LRRC4C: variants seen among roughly 807,000 people sequenced by gnomAD.
LRRC4C encodes the protein leucine-rich repeat-containing protein 4C.
LRRC4C carries 5 observed loss-of-function variants against 33.6 expected under a neutral mutation model. That is an observed-to-expected ratio of 0.15 (90% CI 0.08 to 0.31). LRRC4C has a LOEUF of 0.31. Among genes scored for constraint, LRRC4C ranks in the 10% least tolerant of loss-of-function variants. LRRC4C has a pLI of 1.00. For synonymous variants in LRRC4C, 329 were observed against 302.0 expected (o/e 1.09, Z -0.93); for missense variants, 560 against 796.7 (o/e 0.70, Z 3.58).
chr11:40,365,974 T>A (rs372838765), intron 3 of LRRC4C, among the ~76,000 whole-genome samples: 1 of 152,090 alleles, frequency 6.6e-6, no homozygotes, highest in East Asian at 1.9e-4. Context: ...TTATTGAATA[T>A]AAATTGGGAG....
chr11:40,618,508 C>T (rs540883031), intron 3 of LRRC4C, among the ~76,000 whole-genome samples: 20 of 151,730 alleles, frequency 1.3e-4, no homozygotes, highest in South Asian at 6.2e-4. Context: ...GTAATTTTTA[C>T]GGTACCCCAA....
chr11:40,124,587 C>T (rs1230847200), intron 6 of LRRC4C, among the ~76,000 whole-genome samples: 1 of 152,202 alleles, frequency 6.6e-6, no homozygotes, highest in Admixed American at 6.6e-5. Context: ...TCTCACTTAT[C>T]TGTGAGAGCT....
chr11:40,808,848 C>T (rs1400579542), intron 2 of LRRC4C, among the ~76,000 whole-genome samples: 1 of 152,168 alleles, frequency 6.6e-6, no homozygotes, highest in African/African-American at 2.4e-5. Context: ...GAGTTCTCAT[C>T]ACATATCTAC....
intron 1 of LRRC4C, among the ~76,000 whole-genome samples, chr11:40,976,754 CT>C (rs1009871473): frequency 1.3e-5 from 2 of 152,012 alleles, no homozygotes; most frequent in African/African-American, 4.8e-5. Flanking sequence ...GATTGAATGA[CT>C]GTAAGAGAAG....
chr11:41,086,950 G>A (rs763055263), intron 1 of LRRC4C, among the ~76,000 whole-genome samples: 4 of 150,488 alleles, frequency 2.7e-5, no homozygotes, highest in Non-Finnish European at 4.4e-5. Context: ...AATGTAGCAT[G>A]CAATTTTTAA....
intron 1 of LRRC4C, among the ~76,000 whole-genome samples, chr11:41,156,073 C>T (rs190157852): frequency 1.3e-5 from 2 of 152,138 alleles, no homozygotes; most frequent in East Asian, 3.9e-4. Context: ...TGATCTGAAT[C>T]GATTCTTTGT....
At chr11:40,310,054 T>C (rs1945226947) in intron 4 of LRRC4C, among the ~76,000 whole-genome samples, 3 of 152,156 alleles carry the variant, frequency 2.0e-5, no homozygotes. Flanking sequence ...TCGGTTAGCT[T>C]GGGAGAGTCA....
intron 1 of LRRC4C, among the ~76,000 whole-genome samples, chr11:41,346,751 T>C (rs1316274080): frequency 1.3e-5 from 2 of 152,230 alleles, no homozygotes; most frequent in Non-Finnish European, 2.9e-5. Flanking sequence ...TCAATTTTGT[T>C]TAACATAGCA....
At chr11:41,092,941 C>T (rs1431531186) in intron 1 of LRRC4C, among the ~76,000 whole-genome samples, 2 of 152,250 alleles carry the variant, frequency 1.3e-5, no homozygotes, top group East Asian at 3.9e-4. Flanking sequence ...TGACTGGAAT[C>T]CTCTGTAATG....
chr11:40,354,714 G>C (rs1424192402), intron 3 of LRRC4C, among the ~76,000 whole-genome samples: 1 of 152,106 alleles, frequency 6.6e-6, no homozygotes, highest in East Asian at 2.0e-4. Context: ...GCTAGGCCTG[G>C]GTCTCTCCTT....
chr11:40,618,663 C>A (rs931024874), intron 3 of LRRC4C, among the ~76,000 whole-genome samples: 1 of 151,724 alleles, frequency 6.6e-6, no homozygotes, highest in Non-Finnish European at 1.5e-5. Context: ...TGCTCATGAG[C>A]CTGCCATGCT....
chr11:40,679,351 G>A (rs990439351), intron 2 of LRRC4C, among the ~76,000 whole-genome samples: 9 of 152,158 alleles, frequency 5.9e-5, no homozygotes, highest in African/African-American at 2.2e-4. Context: ...CATTCTCTGA[G>A]GAGAAATTCA....
At chr11:41,189,644 A>T (rs1945858837) in intron 1 of LRRC4C, among the ~76,000 whole-genome samples, 1 of 152,206 alleles carries the variant, frequency 6.6e-6, no homozygotes, top group Admixed American at 6.5e-5. Context: ...TTTAATTAAG[A>T]TGACCACATG....
Position 40,497,215 on chromosome 11 carries a change from C to T in LRRC4C, c.-270+150927G>A, listed in dbSNP as rs972769227. ...AGTCAGGAGATTGAGACCATCCTGG[C>T]TAACATGGTGAAACCCCGTCTCTAC... On this transcript the variant is annotated intron_variant, in intron 3 of 6. Coordinates refer to ENST00000528697, the MANE Select transcript of LRRC4C (RefSeq NM_001258419.2). Among the ~76,000 whole-genome samples, 14 of 152,110 alleles carry T rather than the reference C, an allele frequency of 9.2e-5. No homozygotes were observed. In the East Asian group the frequency reaches 2.5e-3, roughly 27 times the overall value.
intron 3 of LRRC4C, among the ~76,000 whole-genome samples, chr11:40,563,701 A>T (rs984470818): frequency 6.6e-6 from 1 of 152,180 alleles, no homozygotes; most frequent in African/African-American, 2.4e-5. Flanking sequence ...ATTCAACCTG[A>T]TGTAGAAAAC....
intron 1 of LRRC4C, among the ~76,000 whole-genome samples, chr11:41,071,072 T>G (rs1938639642): frequency 6.6e-6 from 1 of 152,138 alleles, no homozygotes; most frequent in Admixed American, 6.5e-5. Flanking sequence ...TACACATCCA[T>G]AAAAAGGAAT....
intron 2 of LRRC4C, among the ~76,000 whole-genome samples, chr11:40,677,478 A>C (rs2136307498): frequency 1.3e-5 from 2 of 152,310 alleles, no homozygotes; most frequent in South Asian, 4.1e-4. Flanking sequence ...TTTAGATCAA[A>C]TAAAAGCATG....
intron 1 of LRRC4C, among the ~76,000 whole-genome samples, chr11:41,110,609 A>C (rs1941773406): frequency 6.6e-6 from 1 of 152,090 alleles, no homozygotes; most frequent in Admixed American, 6.6e-5. Flanking sequence ...TGTCTTCCAC[A>C]TGAATAATAT....
chr11:40,408,726 T>C (rs1271801117), intron 3 of LRRC4C, among the ~76,000 whole-genome samples: 1 of 151,930 alleles, frequency 6.6e-6, no homozygotes, highest in Non-Finnish European at 1.5e-5. Context: ...TATTTAATTA[T>C]AAATGTCCAT....
Sources: gnomAD v4.1 joint callset for allele counts (sites outside exome capture counted in the v4.1 genomes callset) on GRCh38, gnomAD v4.1.1 for gene constraint, MANE v1.5 for transcripts, NCBI Gene and HGNC (gene_info 2026-07-23, HGNC 2026-07-21) for gene names.